Variants in PRKDC observed in about 807,000 individuals in gnomAD.
PRKDC encodes the protein protein kinase, DNA-activated, catalytic subunit.
PRKDC carries 82 observed loss-of-function variants against 486.9 expected under a neutral mutation model. That is an observed-to-expected ratio of 0.17 (90% CI 0.14 to 0.20). The LOEUF (loss-of-function observed/expected upper bound fraction) is 0.20. Among genes scored for constraint, PRKDC ranks in the 10% least tolerant of loss-of-function variants. The pLI, the probability that PRKDC is intolerant of heterozygous loss-of-function variation, is 1.00. For missense variants in PRKDC, 4,504 were observed against 5,038.2 expected (o/e 0.89, Z 3.21); for synonymous variants, 1,895 against 1,837.0 (o/e 1.03, Z -0.81).
intron 10 of PRKDC, 176 bp from the exon 11 acceptor site, chr8:47,939,873 A>C: frequency 2.1e-6 from 1 of 481,828 alleles, no homozygotes; most frequent in Non-Finnish European, 3.5e-6. Context: ...TCAGGTTCAG[A>C]AAAGTGTCTT....
chr8:47,927,765 G>C lies in PRKDC; in HGVS notation c.2259+6C>G. The C allele has an allele frequency of 6.6e-7, 1 of 1,518,450 alleles. No homozygotes were observed. Among genetic ancestry groups the C allele is most frequent in the Non-Finnish European group, 8.8e-7 (1 of 1,138,140 alleles). 94.1% of individuals were successfully genotyped at this position (1,518,450 alleles called of 1,614,324 possible). ...AAGAGATGGCTCTGTTCAAGACAAC[G>C]CCTACCTGCAGTGCAGGAACGTAGG... On this transcript the variant is annotated splice_donor_region_variant and intron_variant, in intron 20 of 85. Coordinates refer to ENST00000314191, the MANE Select transcript of PRKDC (RefSeq NM_006904.7).
intron 52 of PRKDC, among the ~76,000 whole-genome samples, chr8:47,851,952 C>CA (rs1422402926): frequency 1.3e-5 from 2 of 151,930 alleles, no homozygotes; most frequent in Non-Finnish European, 1.5e-5. Context: ...CTTGTTTCTA[C>CA]AAAAAATACA....
At chr8:47,889,735 A>T (rs1212362889) in intron 32 of PRKDC, among the ~76,000 whole-genome samples, 1 of 152,252 alleles carries the variant, frequency 6.6e-6, no homozygotes, top group African/African-American at 2.4e-5. Context: ...AGAAAAAACT[A>T]TTTTATATTT....
intron 30 of PRKDC, among the ~76,000 whole-genome samples, chr8:47,893,709 G>A (rs1357320697): frequency 6.6e-6 from 1 of 152,094 alleles, no homozygotes; most frequent in East Asian, 1.9e-4. Flanking sequence ...ATCTACCTCT[G>A]GGGCTGTTAC....
intron 21 of PRKDC, among the ~76,000 whole-genome samples, chr8:47,919,342 T>C (rs1289534860): frequency 6.6e-6 from 1 of 152,264 alleles, no homozygotes; most frequent in African/African-American, 2.4e-5. Flanking sequence ...CCATATGCAT[T>C]TGTCTAATGT....
rs1016846943 is a variant in PRKDC at position 47,773,168 on chromosome 8, G to A, written c.*1005C>T. ...GTATACTTCTCAAAATCACAGAAGA[G>A]CCTCCAAATACAAGTGTTAGAAGGA... is the stretch of plus-strand genomic sequence containing the variant. On this transcript the variant is annotated 3_prime_UTR_variant, in exon 86 of 86. Coordinates refer to ENST00000314191, the MANE Select transcript of PRKDC (RefSeq NM_006904.7). 4.3e-5 allele frequency: 9 copies of A among 210,482 alleles called. No individual in the cohort carries two copies. The Admixed American group carries it at 5.4e-4, about 13-fold the overall frequency. The allele number at this position is 210,482 out of a possible 1,614,324, so 13.0% of individuals were successfully genotyped here.
intron 21 of PRKDC, among the ~76,000 whole-genome samples, chr8:47,924,070 C>T (rs945597948): frequency 2.0e-5 from 3 of 152,156 alleles, no homozygotes; most frequent in African/African-American, 7.2e-5. Flanking sequence ...TATTTGATTA[C>T]CTGGGTTATA....
chr8:47,900,148 C>T (rs2089653683), intron 28 of PRKDC, among the ~76,000 whole-genome samples: 1 of 152,164 alleles, frequency 6.6e-6, no homozygotes, highest in African/African-American at 2.4e-5. Context: ...CAGGGTCAAC[C>T]TCAATGGCCA....
In PRKDC at chr8:47,877,750, T is replaced by A. The variant is rs1166681474; in HGVS notation, c.5337A>T (p.Gln1779His). 6.3e-7 allele frequency: 1 copy of A among 1,593,158 alleles called. No individual in the cohort carries two copies. The highest frequency in any genetic ancestry group is 1.3e-5 in the African/African-American group (1 of 74,174). The change falls in exon 40 of 86, where the codon CAA becomes CAT. Residue 1779 changes from glutamine (Q) to histidine (H), a missense_variant. Gln to His is a conservative substitution (Grantham distance 24, BLOSUM62 0). Around this residue, in one of 6 missense-constraint regions of PRKDC, gnomAD observed 1,969 missense variants for 2,068.9 expected, o/e 0.95. Transcript: ENST00000314191. ...EQQHVMEELFQSSFRRIARRG... is the reference protein window; with the variant it reads ...EQQHVMEELFHSSFRRIARRG... ...TTCTGGCAATCCTCCTGAAACTGGA[T>A]TGAAATAATTCTTCCATGACATGCT...
At chr8:47,936,159 C>CA (rs1398750775) in intron 12 of PRKDC, among the ~76,000 whole-genome samples, 194 bp downstream of exon 12, 2 of 151,938 alleles carry the variant, frequency 1.3e-5, no homozygotes, top group Non-Finnish European at 2.9e-5. Context: ...GAAGGAGAAA[C>CA]AAATATTTTT....
At chr8:47,917,242 G>T (rs952646501) in intron 22 of PRKDC, among the ~76,000 whole-genome samples, 2 of 151,926 alleles carry the variant, frequency 1.3e-5, no homozygotes, top group Non-Finnish European at 2.9e-5. Context: ...GTGACAACAT[G>T]AGATCCTGCC....
Position 47,930,678 on chromosome 8 carries a change from A to T in PRKDC, c.1886T>A (p.Phe629Tyr). 1 of 1,564,770 alleles carries T rather than the reference A, an allele frequency of 6.4e-7. No individual in the cohort carries two copies. The highest frequency in any genetic ancestry group is 8.7e-7 in the Non-Finnish European group (1 of 1,154,774). ...TTAGAATTTTACCAAATACCTGCAA[A>T]ATTCCACCAGGTTAATGAAAGCCGA... ...DFSAFINLVEFCREILPEKQA... is the reference protein window; with the variant it reads ...DFSAFINLVEYCREILPEKQA... The change falls in exon 17 of 86, where the codon TTT becomes TAT. Residue 629 changes from phenylalanine (F) to tyrosine (Y), a missense_variant. Transcript: ENST00000314191.
rs1267527235 is a variant in PRKDC at position 47,902,633 on chromosome 8, G to A, written c.3205C>T (p.His1069Tyr). The change falls in exon 27 of 86, where the codon CAC becomes TAC. Residue 1069 changes from histidine (H) to tyrosine (Y), a missense_variant. His to Tyr is a moderately conservative substitution (Grantham distance 83). Transcript: ENST00000314191. ...CCCAGCCTCTTGAAAGCATTGGGGT[G>A]AAGCGCAAGGCTATAAAGTCGCTTG... ...LFKRLYSLAL[H>Y]PNAFKRLGAS... is the part of the protein sequence containing the mutation. 1.9e-5 allele frequency: 30 copies of A among 1,612,738 alleles called. No individual in the cohort carries two copies. Among genetic ancestry groups the A allele is most frequent in the Non-Finnish European group, 2.5e-5 (30 of 1,179,342 alleles).
chr8:47,939,424 G>A (rs1348135647), intron 11 of PRKDC, 127 bp downstream of exon 11: 11 of 1,058,606 alleles, frequency 1.0e-5, no homozygotes, highest in South Asian at 1.7e-5. Context: ...TGCAGTTCAC[G>A]CCCATGTTAT....
At chr8:47,830,578 A>T in intron 61 of PRKDC, 27 bp downstream of exon 61, 2 of 1,608,570 alleles carry the variant, frequency 1.2e-6, no homozygotes, top group Non-Finnish European at 1.7e-6. Flanking sequence ...TAACCTGTCA[A>T]CAGAAAACGC....
At chr8:47,915,930 G>A (rs996545115) in intron 22 of PRKDC, among the ~76,000 whole-genome samples, 12 of 152,204 alleles carry the variant, frequency 7.9e-5, no homozygotes, top group Non-Finnish European at 1.5e-4. Context: ...TTACAATGTC[G>A]AATCTGAATT....
chr8:47,783,013 T>TA lies in PRKDC; in HGVS notation c.11176-416dup, dbSNP rs2086723505. The stretch of plus-strand genomic sequence containing the variant: ...AAACCCAGGGCCGGGAGCAGTGGCT[T>TA]ACGCCTGTAATCCCAGCACTTTGGA... On this transcript the variant is annotated intron_variant, in intron 78 of 85. Coordinates refer to ENST00000314191, the MANE Select transcript of PRKDC (RefSeq NM_006904.7). The TA allele has an allele frequency of 1.5e-5, 3 of 200,746 alleles. No individual in the cohort carries two copies. The South Asian group carries it at 2.8e-4, about 18-fold the overall frequency. The allele number at this position is 200,746 out of a possible 1,614,324, so 12.4% of individuals were successfully genotyped here.
At position 47,929,140 on chromosome 8, in the gene PRKDC, G is replaced by C; in HGVS notation, c.2091C>G (p.Asp697Glu). The C allele has an allele frequency of 6.3e-7, 1 of 1,579,132 alleles. No individual in the cohort carries two copies. The highest frequency in any genetic ancestry group is 8.6e-7 in the Non-Finnish European group (1 of 1,160,644). The change falls in exon 19 of 86, where the codon GAC (aspartate) becomes GAG (glutamate). Residue 697 changes from aspartate to glutamate, a missense_variant. Physicochemically the swap from Asp to Glu is conservative, Grantham distance 45. Around this residue, in one of 6 missense-constraint regions of PRKDC, gnomAD observed 1,969 missense variants for 2,068.9 expected, o/e 0.95. Coordinates refer to ENST00000314191, the MANE Select transcript of PRKDC (RefSeq NM_006904.7). Reference protein sequence around the residue: ...SPKSLKHSPEDPEKYSCFALF... With the variant: ...SPKSLKHSPEEPEKYSCFALF... ...AAGCAAAGCAAGAATACTTTTCTGGGTCTTCAGGAGAGTGTTTCAGACTCT... is the reference window on the plus strand; with the variant it reads ...AAGCAAAGCAAGAATACTTTTCTGGCTCTTCAGGAGAGTGTTTCAGACTCT...
chr8:47,936,367 G>C lies in PRKDC; in HGVS notation c.1264C>G (p.Leu422Val). ...SFLQSVASVLLYLDTVPEVYT... is the reference protein window; with the variant it reads ...SFLQSVASVLVYLDTVPEVYT... ...AGTTCACTTACTGTGTCAAGGTACA[G>C]CAAGACGCTTGCAACAGACTGGAGG... The change falls in exon 12 of 86, where the codon CTG becomes GTG. Residue 422 changes from leucine to valine, a missense_variant. By Grantham distance (32) the Leu-to-Val change is conservative. Coordinates refer to ENST00000314191, the MANE Select transcript of PRKDC (RefSeq NM_006904.7). 1.2e-6 allele frequency: 2 copies of C among 1,612,606 alleles called. No homozygotes were observed. The highest frequency in any genetic ancestry group is 1.7e-6 in the Non-Finnish European group (2 of 1,179,032).
Sources: gnomAD v4.1 joint callset for allele counts (sites outside exome capture counted in the v4.1 genomes callset) on GRCh38, gnomAD v4.1.1 for gene constraint, gnomAD v4.1.1 regional missense constraint, MANE v1.5 for transcripts, NCBI Gene and HGNC (gene_info 2026-07-23, HGNC 2026-07-21) for gene names.